Variants in JARID2 observed in about 807,000 individuals in gnomAD.
JARID2 encodes the protein jumonji and AT-rich interaction domain containing 2.
A neutral mutation model predicts 125.6 loss-of-function variants in JARID2; 21 were observed. The observed-to-expected ratio is 0.17, with a 90% CI of 0.12 to 0.24. The LOEUF (loss-of-function observed/expected upper bound fraction) is 0.24. Among genes scored for constraint, JARID2 ranks in the 10% least tolerant of loss-of-function variants. The pLI, the probability that JARID2 is intolerant of heterozygous loss-of-function variation, is 1.00. For synonymous variants in JARID2, 736 were observed against 661.6 expected, an observed-to-expected ratio of 1.11 and a Z score of -1.73; for missense variants, 1,303 against 1,639.6, an observed-to-expected ratio of 0.79 and a Z score of 3.55.
chr6:15,443,872 A>G (rs1767550255), intron 3 of JARID2, among the ~76,000 whole-genome samples: 2 of 152,070 alleles, frequency 1.3e-5, no homozygotes, highest in Non-Finnish European at 2.9e-5. Flanking sequence ...TGACACCACT[A>G]CTCTTTTGCT....
intron 1 of JARID2, among the ~76,000 whole-genome samples, chr6:15,345,843 A>G (rs1264661990): frequency 1.3e-5 from 2 of 152,162 alleles, no homozygotes; most frequent in East Asian, 3.9e-4. Flanking sequence ...CCTTGGGTGG[A>G]CCAGAAGGCT....
intron 9 of JARID2, among the ~76,000 whole-genome samples, chr6:15,506,731 C>A (rs779115264): frequency 3.3e-5 from 5 of 152,154 alleles, no homozygotes; most frequent in Admixed American, 2.6e-4. Context: ...ATATAATTGG[C>A]GGTTACCGTG....
chr6:15,380,763 GA>G (rs1160797545), intron 2 of JARID2, among the ~76,000 whole-genome samples: 1 of 152,160 alleles, frequency 6.6e-6, no homozygotes, highest in Non-Finnish European at 1.5e-5. Flanking sequence ...TGTGTGGAAT[GA>G]AATGTGGGCC....
chr6:15,258,235 C>T lies in JARID2; in HGVS notation c.45+11651C>T, dbSNP rs192953854. On this transcript the variant is annotated intron_variant, in intron 1 of 17. Transcript: ENST00000341776. ...ACACTGTGTTGGGAGTTTGAAAATA[C>T]GACATTGCCCTTGTCTGAGGGGCAT... 9.5e-3 allele frequency among the ~76,000 whole-genome samples: 1,453 copies of T among 152,220 alleles called. 20 individuals carry two copies. The highest frequency in any genetic ancestry group is 0.033 in the African/African-American group (1,357 of 41,518).
chr6:15,260,271 G>A (rs1180415211), intron 1 of JARID2, among the ~76,000 whole-genome samples: 1 of 152,080 alleles, frequency 6.6e-6, no homozygotes, highest in African/African-American at 2.4e-5. Flanking sequence ...TACTTTGAGG[G>A]GAGCGATTGG....
chr6:15,326,961 T>C (rs187145607), intron 1 of JARID2, among the ~76,000 whole-genome samples: 3 of 152,368 alleles, frequency 2.0e-5, no homozygotes, highest in Admixed American at 2.0e-4. Flanking sequence ...AACATGTTTG[T>C]TTTTAATCTC....
chr6:15,263,210 C>T (rs1490136809), intron 1 of JARID2, among the ~76,000 whole-genome samples: 4 of 151,766 alleles, frequency 2.6e-5, no homozygotes, highest in Admixed American at 6.6e-5. Flanking sequence ...CTTTGCAAAC[C>T]GTAAACACTG....
In JARID2 at chr6:15,477,154, T is replaced by A. The variant is rs189870835; in HGVS notation, c.670+8436T>A. Among the ~76,000 whole-genome samples the A allele has an allele frequency of 4.6e-5, 7 of 152,350 alleles. No individual in the cohort carries two copies. The East Asian group carries it at 1.4e-3, about 29-fold the overall frequency. ...CATTGGACTCCCAGCTGGAATGACTTAATTGCTTTTAGATTCATACCGGGG... is the reference window on the plus strand; with the variant it reads ...CATTGGACTCCCAGCTGGAATGACTAAATTGCTTTTAGATTCATACCGGGG... On this transcript the variant is annotated intron_variant, in intron 5 of 17. Transcript: ENST00000341776.
Position 15,432,449 on chromosome 6 carries a change from AAACAACAACAACAAC to A in JARID2, c.324-19539_324-19525del, listed in dbSNP as rs35484962. Among the ~76,000 whole-genome samples, 515 of 145,148 alleles carry A rather than the reference AAACAACAACAACAAC, an allele frequency of 3.5e-3. 2 individuals carry two copies. The highest frequency in any genetic ancestry group is 0.022 in the Middle Eastern group (6 of 274). On this transcript the variant is annotated intron_variant, in intron 3 of 17. Coordinates refer to ENST00000341776, the MANE Select transcript of JARID2 (RefSeq NM_004973.4). ...ATCCTCCAGCTACTCTCACCTTCAA[AAACAACAACAACAAC>A]AACAACAACAACAACAAGAAAAGTA...
At chr6:15,283,705 A>AT (rs58730259) in intron 1 of JARID2, among the ~76,000 whole-genome samples, 12,191 of 113,102 alleles carry the variant, frequency 0.11, 773 homozygotes, top group Non-Finnish European at 0.14. Flanking sequence ...TCCTTTAAGT[A>AT]TTTTTTTTTT....
intron 1 of JARID2, among the ~76,000 whole-genome samples, chr6:15,280,923 C>CTTAACGGTGCCTTAAGGCA (rs1271481234): frequency 6.6e-6 from 1 of 152,220 alleles, no homozygotes; most frequent in Admixed American, 6.5e-5. Flanking sequence ...GCCACCGTGC[C>CTTAACGGTGCCTTAAGGCA]TGGCCAGCCC....
intron 3 of JARID2, among the ~76,000 whole-genome samples, chr6:15,411,852 A>G (rs1173094963): frequency 6.6e-6 from 1 of 152,194 alleles, no homozygotes; most frequent in Non-Finnish European, 1.5e-5. Context: ...CTTCTGGCTG[A>G]GAGCTGGTCA....
chr6:15,288,102 G>T (rs1761070000), intron 1 of JARID2, among the ~76,000 whole-genome samples: 1 of 152,172 alleles, frequency 6.6e-6, no homozygotes, highest in Non-Finnish European at 1.5e-5. Flanking sequence ...TGGTGGTATG[G>T]TGGCATATTA....
At chr6:15,417,086 A>C (rs1409032065) in intron 3 of JARID2, among the ~76,000 whole-genome samples, 3 of 152,182 alleles carry the variant, frequency 2.0e-5, no homozygotes, top group Non-Finnish European at 2.9e-5. Flanking sequence ...TACGATTCAA[A>C]AGAGGTCATC....
At chr6:15,310,295 T>C (rs1581397482) in intron 1 of JARID2, among the ~76,000 whole-genome samples, 1 of 152,208 alleles carries the variant, frequency 6.6e-6, no homozygotes. Context: ...AAATGATACT[T>C]CCTGCCATAG....
At chr6:15,480,558 A>C (rs1203954824) in intron 5 of JARID2, among the ~76,000 whole-genome samples, 1 of 152,192 alleles carries the variant, frequency 6.6e-6, no homozygotes, top group Non-Finnish European at 1.5e-5. Flanking sequence ...AGACAGGTAA[A>C]AGTAGAAGGC....
At position 15,487,522 on chromosome 6, in the gene JARID2, G is replaced by T. The variant is rs766675962; in HGVS notation, c.886G>T (p.Ala296Ser). The change falls in exon 6 of 18, where the codon GCT (alanine) becomes TCT (serine). Residue 296 changes from alanine (A) to serine (S), a missense_variant. By Grantham distance (99) the Ala-to-Ser change is moderately conservative. Coordinates refer to ENST00000341776, the MANE Select transcript of JARID2 (RefSeq NM_004973.4). ...THHHPPLHRS[A>S]QDLRKQVSKV... is the part of the protein sequence containing the mutation. ...TCACCACCCCCCTCTGCATCGGTCGGCTCAGGACTTACGGAAACAGGTAAA... is the reference window on the plus strand; with the variant it reads ...TCACCACCCCCCTCTGCATCGGTCGTCTCAGGACTTACGGAAACAGGTAAA... The T allele has an allele frequency of 2.1e-5, 34 of 1,609,468 alleles. No homozygotes were observed. Among genetic ancestry groups the T allele is most frequent in the Non-Finnish European group, 2.8e-5 (33 of 1,176,600 alleles).
intron 3 of JARID2, among the ~76,000 whole-genome samples, chr6:15,450,314 C>G (rs2127637517): frequency 1.3e-5 from 2 of 152,192 alleles, no homozygotes; most frequent in East Asian, 3.9e-4. Context: ...GGATTACAGG[C>G]ACGTGTCACC....
intron 4 of JARID2, among the ~76,000 whole-genome samples, chr6:15,453,841 C>T (rs867974488): frequency 1.3e-5 from 2 of 152,096 alleles, no homozygotes; most frequent in East Asian, 1.9e-4. Flanking sequence ...TGTACTTTCC[C>T]GCCCTCAGTC....
Sources: gnomAD v4.1 joint callset for allele counts (sites outside exome capture counted in the v4.1 genomes callset) on GRCh38, gnomAD v4.1.1 for gene constraint, MANE v1.5 for transcripts, NCBI Gene and HGNC (gene_info 2026-07-23, HGNC 2026-07-21) for gene names.